The following URM1 variants were observed in gnomAD, a reference collection of about 807,000 sequenced individuals.
The protein encoded by URM1 is ubiquitin related modifier 1, also known as ubiquitin-related modifier 1.
Under a neutral mutation model 17.7 loss-of-function variants are expected in URM1, and 11 were observed. The ratio of observed to expected loss-of-function variants is 0.62; its 90% CI spans 0.39 to 1.03. The LOEUF (loss-of-function observed/expected upper bound fraction) is 1.03, where lower values mean the gene tolerates loss of function less well. Among genes scored for constraint, URM1 ranks in the 50% least tolerant of loss-of-function variants. The pLI is 0.00. For missense variants in URM1, 128 were observed against 129.2 expected (o/e 0.99, Z 0.04); for synonymous variants, 48 against 50.6 (o/e 0.95, Z 0.22).
intron 4 of URM1, 155 bp from the exon 5 acceptor site, chr9:128,389,511 T>A (rs1466036637): frequency 1.3e-6 from 2 of 1,549,058 alleles, no homozygotes; most frequent in South Asian, 1.2e-5. Context: ...TCCTCCATCC[T>A]GAAGATTTGC....
intron 2 of URM1, among the ~76,000 whole-genome samples, chr9:128,378,535 T>TC (rs927393133): frequency 2.4e-5 from 2 of 82,956 alleles, no homozygotes; most frequent in African/African-American, 4.9e-5. Flanking sequence ...AAAGCAAGAC[T>TC]CCATCTCAAA....
intron 2 of URM1, among the ~76,000 whole-genome samples, chr9:128,378,541 TCA>T (rs1491185910): frequency 4.1e-5 from 1 of 24,400 alleles, no homozygotes; most frequent in African/African-American, 1.7e-4. Flanking sequence ...AGACTCCATC[TCA>T]AAAAAAAAAA....
Position 128,387,944 on chromosome 9 carries a change from G to C in URM1, c.188+47G>C. ...CCTGAAGCAGGTGGAGGGAGGGACGGATATTTGAGCCCCCACCCTCGGGTT... is the reference window on the plus strand; with the variant it reads ...CCTGAAGCAGGTGGAGGGAGGGACGCATATTTGAGCCCCCACCCTCGGGTT... On this transcript the variant is annotated intron_variant, in intron 3 of 4. Coordinates refer to ENST00000372853, the MANE Select transcript of URM1 (RefSeq NM_030914.4). The surrounding 1 kb of genome is among the most constrained non-coding windows in gnomAD (Gnocchi z 4.3). The C allele has an allele frequency of 1.2e-6, 2 of 1,611,680 alleles. No individual in the cohort carries two copies. Among genetic ancestry groups the C allele is most frequent in the Non-Finnish European group, 1.7e-6 (2 of 1,179,008 alleles).
In URM1 at chr9:128,387,393, G is replaced by A. The variant is rs1235186750; in HGVS notation, c.107-423G>A. Among the ~76,000 whole-genome samples, 1 of 152,176 alleles carries A rather than the reference G, an allele frequency of 6.6e-6. No individual in the cohort carries two copies. The highest frequency in any genetic ancestry group is 2.1e-4 in the South Asian group (1 of 4,832). Reference sequence around the variant, plus strand: ...GCAAAGCCGAATCCTCCCCATCTGCGACTGGCTGGAGAGATAAAGGTGGAG... The same window carrying A: ...GCAAAGCCGAATCCTCCCCATCTGCAACTGGCTGGAGAGATAAAGGTGGAG... On this transcript the variant is annotated intron_variant, in intron 2 of 4. Transcript: ENST00000372853. This position sits in a 1 kb window ranked among gnomAD's most constrained non-coding sequence, Gnocchi z 4.3.
intron 2 of URM1, among the ~76,000 whole-genome samples, chr9:128,378,871 T>C (rs1392418421): frequency 1.4e-5 from 2 of 144,174 alleles, no homozygotes; most frequent in Non-Finnish European, 3.0e-5. Flanking sequence ...TGCTTAAACC[T>C]GGGAGGCAGA....
chr9:128,387,774 A>G lies in URM1; in HGVS notation c.107-42A>G. 1 of 1,612,734 alleles carries G rather than the reference A, an allele frequency of 6.2e-7. No homozygotes were observed. Among genetic ancestry groups the G allele is most frequent in the Non-Finnish European group, 8.5e-7 (1 of 1,178,970 alleles). On this transcript the variant is annotated intron_variant, in intron 2 of 4. Coordinates refer to ENST00000372853, the MANE Select transcript of URM1 (RefSeq NM_030914.4). This position sits in a 1 kb window ranked among gnomAD's most constrained non-coding sequence, Gnocchi z 4.3. Reference sequence around the variant, plus strand: ...AAGGCTCTGGGGGTGGGCAGGTGCTATTTGGGTTTGACAAGAGTTTGTTCT... The same window carrying G: ...AAGGCTCTGGGGGTGGGCAGGTGCTGTTTGGGTTTGACAAGAGTTTGTTCT...
In URM1 at chr9:128,389,241, C is replaced by G; in HGVS notation, c.189-20C>G. 1 of 1,584,644 alleles carries G rather than the reference C, an allele frequency of 6.3e-7. No individual in the cohort carries two copies. Among genetic ancestry groups the G allele is most frequent in the Non-Finnish European group, 8.6e-7 (1 of 1,163,382 alleles). On this transcript the variant is annotated intron_variant, in intron 3 of 4. Transcript: ENST00000372853. ...CTCCTGCCTCTCACTCCTTGCTACT[C>G]ACCACCATCTTTCCCACAGGCGGCC...
rs188721503 is a variant in URM1, at chr9:128,380,691, C to T, written c.106+2585C>T. ...CGCTCTGTCTCCCAGGCTGAAGTGC[C>T]GTGGTGCAGTCTCAGCGCGCTGCAA... On this transcript the variant is annotated intron_variant, in intron 2 of 4. Transcript: ENST00000372853. 7.6e-3 allele frequency among the ~76,000 whole-genome samples: 1,138 copies of T among 149,840 alleles called. 23 individuals carry two copies. Among genetic ancestry groups the T allele is most frequent in the African/African-American group, 0.027 (1,079 of 40,630 alleles).
rs1418068116 is a variant in URM1, at chr9:128,387,967, G to A, written c.188+70G>A. 6.2e-7 allele frequency: 1 copy of A among 1,602,398 alleles called. No homozygotes were observed. The highest frequency in any genetic ancestry group is 8.5e-7 in the Non-Finnish European group (1 of 1,174,702). On this transcript the variant is annotated intron_variant, in intron 3 of 4. Transcript: ENST00000372853. The surrounding 1 kb of genome is among the most constrained non-coding windows in gnomAD (Gnocchi z 4.3). ...CGGATATTTGAGCCCCCACCCTCGGGTTCAGTCCTGGCCTTCTCTGAATCC... is the reference window on the plus strand; with the variant it reads ...CGGATATTTGAGCCCCCACCCTCGGATTCAGTCCTGGCCTTCTCTGAATCC...
chr9:128,389,434 C>T (rs748689347), intron 4 of URM1, 125 bp downstream of exon 4: 3 of 1,589,088 alleles, frequency 1.9e-6, no homozygotes, highest in South Asian at 1.1e-5. Context: ...TCCAGCCCCA[C>T]ACTGAGGCTG....
chr9:128,381,828 G>A lies in URM1; in HGVS notation c.106+3722G>A, dbSNP rs536629538. 5.9e-5 allele frequency among the ~76,000 whole-genome samples: 9 copies of A among 152,378 alleles called. No homozygotes were observed. The South Asian group carries it at 6.2e-4, about 11-fold the overall frequency. On this transcript the variant is annotated intron_variant, in intron 2 of 4. Transcript: ENST00000372853. Reference sequence around the variant, plus strand: ...GGCCACTGAATTTCAGAGTCCTGGCGCTTTGCCACTAACCCATCACCGTCT... The same window carrying A: ...GGCCACTGAATTTCAGAGTCCTGGCACTTTGCCACTAACCCATCACCGTCT...
Position 128,389,325 on chromosome 9 carries a change from GA to G in URM1, c.237+17del. 5.6e-6 allele frequency: 9 copies of G among 1,613,876 alleles called. No individual in the cohort carries two copies. The highest frequency in any genetic ancestry group is 7.6e-6 in the Non-Finnish European group (9 of 1,179,972). The stretch of plus-strand genomic sequence containing the variant: ...GGAGCTACTGGTCAGTACCTTGGGG[GA>G]CATCCCTCCCCCAGCCCCTGCCCTT... On this transcript the variant is annotated intron_variant, in intron 4 of 4. Coordinates refer to ENST00000372853, the MANE Select transcript of URM1 (RefSeq NM_030914.4).
At chr9:128,389,477 G>A in intron 4 of URM1, 168 bp downstream of exon 4, 1 of 1,561,744 alleles carries the variant, frequency 6.4e-7, no homozygotes, top group Non-Finnish European at 8.7e-7. Flanking sequence ...AGGAAGGGAT[G>A]GGTAGCTGGG....
chr9:128,379,508 G>A (rs903999147), intron 2 of URM1, among the ~76,000 whole-genome samples: 1 of 149,420 alleles, frequency 6.7e-6, no homozygotes, highest in Admixed American at 6.7e-5. Flanking sequence ...AAGAAAATAG[G>A]CCAGGTGTTG....
intron 1 of URM1, among the ~76,000 whole-genome samples, chr9:128,376,898 A>G (rs1195167916): frequency 2.0e-5 from 3 of 152,022 alleles, no homozygotes; most frequent in Non-Finnish European, 2.9e-5. Flanking sequence ...ATGTGGGAGG[A>G]TTGCTTAAGC....
chr9:128,389,948 C>T lies in URM1; in HGVS notation c.*214C>T. On this transcript the variant is annotated 3_prime_UTR_variant, in exon 5 of 5. Coordinates refer to ENST00000372853, the MANE Select transcript of URM1 (RefSeq NM_030914.4). ...CGGAAGGCAGACAGGCGCCAGAGCC[C>T]AGCACTCCCTTTTCCAGCAGCTGTG... 1 of 617,064 alleles carries T rather than the reference C, an allele frequency of 1.6e-6. No individual in the cohort carries two copies. The highest frequency in any genetic ancestry group is 2.8e-6 in the Non-Finnish European group (1 of 362,110). 38.2% of individuals were successfully genotyped at this position (617,064 alleles called of 1,614,324 possible).
intron 3 of URM1, chr9:128,388,643 C>T (rs769209167): frequency 2.3e-5 from 23 of 986,412 alleles, no homozygotes; most frequent in Non-Finnish European, 2.5e-5. Context: ...AGCAGTGCTC[C>T]TTGGGCCATT....
intron 2 of URM1, among the ~76,000 whole-genome samples, chr9:128,385,633 G>A (rs778158940): frequency 2.6e-5 from 4 of 152,076 alleles, no homozygotes; most frequent in South Asian, 4.1e-4. Context: ...TCCCCTGGGC[G>A]CCTTTGGAAG....
In URM1 at chr9:128,377,599, G is replaced by A. The variant is rs186879581; in HGVS notation, c.36-437G>A. Among the ~76,000 whole-genome samples the A allele has an allele frequency of 2.6e-4, 40 of 152,296 alleles. No individual in the cohort carries two copies. The East Asian group carries it at 6.0e-3, about 23-fold the overall frequency. On this transcript the variant is annotated intron_variant, in intron 1 of 4. Transcript: ENST00000372853. ...GCACGAGAATCACTTGAACCTGGGA[G>A]GCGGAGGTTGCTGTGAGCTGAGATC...
Sources: gnomAD v4.1 joint callset for allele counts (sites outside exome capture counted in the v4.1 genomes callset) on GRCh38, gnomAD v4.1.1 for gene constraint, Gnocchi (gnomAD v3.1) non-coding constraint, MANE v1.5 for transcripts, NCBI Gene and HGNC (gene_info 2026-07-23, HGNC 2026-07-21) for gene names.